Variants in ADGRG7 observed in about 807,000 individuals in gnomAD.
ADGRG7 encodes adhesion G protein-coupled receptor G7.
ADGRG7 carries 82 observed loss-of-function variants against 88.6 expected under a neutral mutation model. The ratio of observed to expected loss-of-function variants is 0.93; its 90% CI spans 0.77 to 1.11. The LOEUF (loss-of-function observed/expected upper bound fraction) is 1.11. Among genes scored for constraint, ADGRG7 ranks in the 50% most tolerant of loss-of-function variants. ADGRG7 has a pLI of 0.00. For synonymous variants in ADGRG7, 381 were observed against 345.2 expected (o/e 1.10, Z -1.15); for missense variants, 945 against 953.4 (o/e 0.99, Z 0.12).
intron 15 of ADGRG7, 116 bp from the exon 16 acceptor site, chr3:100,694,628 C>A: frequency 2.0e-6 from 2 of 992,330 alleles, no homozygotes; most frequent in Non-Finnish European, 2.9e-6. Flanking sequence ...CTGGCAAATT[C>A]AAGTTGGGGA....
chr3:100,614,704 G>GT (rs1415595925), intron 1 of ADGRG7, among the ~76,000 whole-genome samples: 2 of 152,154 alleles, frequency 1.3e-5, no homozygotes, highest in African/African-American at 4.8e-5. Flanking sequence ...AAGGAAATAT[G>GT]TTTTTATTTC....
intron 1 of ADGRG7, among the ~76,000 whole-genome samples, chr3:100,627,838 A>G (rs2149016038): frequency 6.6e-6 from 1 of 152,082 alleles, no homozygotes; most frequent in East Asian, 1.9e-4. Context: ...AAATTTGGGA[A>G]ATTTTGACAT....
At chr3:100,662,337 C>G (rs1170975342) in intron 14 of ADGRG7, among the ~76,000 whole-genome samples, 1 of 152,086 alleles carries the variant, frequency 6.6e-6, no homozygotes. Flanking sequence ...TTAGTAATGA[C>G]AGTAAAAAAA....
In ADGRG7 at chr3:100,694,747, T is replaced by C; in HGVS notation, c.2140T>C (p.Leu714=). The C allele has an allele frequency of 6.2e-7, 1 of 1,613,162 alleles. No homozygotes were observed. Among genetic ancestry groups the C allele is most frequent in the Middle Eastern group, 1.7e-4 (1 of 6,058 alleles). ...TAAACTTTTGTTCTATCTGCAGGGA[T>C]TGCAAATTTTTATCCTGTACACTGT... The part of the protein sequence containing the change: ...IFCLFNTTQG[L]QIFILYTVRT... Residue 714 remains leucine (L), a synonymous_variant, in exon 16 of 16, where the codon TTG becomes CTG. Transcript: ENST00000273352.
intron 4 of ADGRG7, among the ~76,000 whole-genome samples, chr3:100,633,645 C>T (rs1054129110): frequency 1.3e-5 from 2 of 152,124 alleles, no homozygotes; most frequent in Admixed American, 6.6e-5. Context: ...CTGCATCAGC[C>T]TCCTGAGTAA....
At chr3:100,620,309 A>G (rs1262328831) in intron 1 of ADGRG7, among the ~76,000 whole-genome samples, 1 of 152,254 alleles carries the variant, frequency 6.6e-6, no homozygotes, top group Non-Finnish European at 1.5e-5. Flanking sequence ...GACAAAAACT[A>G]TATGATTATC....
chr3:100,646,942 G>A (rs887059022), intron 10 of ADGRG7, among the ~76,000 whole-genome samples: 3 of 152,114 alleles, frequency 2.0e-5, no homozygotes, highest in African/African-American at 4.8e-5. Context: ...GGCAGATCAC[G>A]AGGTCAGGAG....
At chr3:100,650,285 T>G (rs367600944) in intron 11 of ADGRG7, among the ~76,000 whole-genome samples, 20 of 152,234 alleles carry the variant, frequency 1.3e-4, no homozygotes, top group African/African-American at 4.3e-4. Context: ...AATAATGACC[T>G]ATAAACAAAT....
At chr3:100,663,243 T>A (rs183717568) in intron 14 of ADGRG7, among the ~76,000 whole-genome samples, 1 of 152,236 alleles carries the variant, frequency 6.6e-6, no homozygotes, top group East Asian at 1.9e-4. Flanking sequence ...GGAACTTCAT[T>A]TAAAAATACA....
chr3:100,635,945 T>A, intron 5 of ADGRG7, 119 bp downstream of exon 5: 1 of 756,162 alleles, frequency 1.3e-6, no homozygotes, highest in Non-Finnish European at 2.1e-6. Context: ...GAGCATGGTT[T>A]AAGTTGCTTA....
At chr3:100,631,625 C>G (rs1707460317) in intron 3 of ADGRG7, among the ~76,000 whole-genome samples, 1 of 152,128 alleles carries the variant, frequency 6.6e-6, no homozygotes, top group Non-Finnish European at 1.5e-5. Flanking sequence ...ACAGCCAATT[C>G]TAGATCATTG....
chr3:100,653,073 A>G (rs1052551807), intron 11 of ADGRG7, among the ~76,000 whole-genome samples: 2 of 152,236 alleles, frequency 1.3e-5, no homozygotes, highest in Admixed American at 1.3e-4. Flanking sequence ...TCCTTGAAAC[A>G]TTAGTCCAAG....
intron 15 of ADGRG7, among the ~76,000 whole-genome samples, chr3:100,687,992 G>C (rs2094986001): frequency 6.6e-6 from 1 of 152,120 alleles, no homozygotes; most frequent in South Asian, 2.1e-4. Flanking sequence ...ATTCGGCTGT[G>C]AATCCATCTG....
chr3:100,665,006 T>C (rs1387771587), intron 14 of ADGRG7: 4 of 429,922 alleles, frequency 9.3e-6, no homozygotes, highest in African/African-American at 2.1e-5. Context: ...GGTTCCAGTA[T>C]GGTAGGGCAA....
intron 15 of ADGRG7, among the ~76,000 whole-genome samples, chr3:100,688,233 C>A (rs1014729396): frequency 1.1e-4 from 16 of 152,170 alleles, no homozygotes; most frequent in Admixed American, 2.0e-4. Context: ...GTCCCCTTTT[C>A]ATTTTTTATT....
chr3:100,666,996 G>A (rs13098584), intron 14 of ADGRG7, among the ~76,000 whole-genome samples: 49,335 of 151,860 alleles, frequency 0.32, 8,652 homozygotes, highest in South Asian at 0.47. Flanking sequence ...GAATCTCAAG[G>A]CAGAGGAATT....
At chr3:100,646,519 C>A in intron 9 of ADGRG7, 50 bp from the exon 10 acceptor site, 4 of 1,463,184 alleles carry the variant, frequency 2.7e-6, no homozygotes, top group South Asian at 2.5e-5. Flanking sequence ...TTTTTTTAAC[C>A]CAATTAAGTA....
chr3:100,658,291 G>T lies in ADGRG7; in HGVS notation c.1824-1397G>T, dbSNP rs180921119. ...CCTGGTCCAAACTATCCATATTATT[G>T]CAATAGACTCCTAGGTATTAGGTTG... On this transcript the variant is annotated intron_variant, in intron 13 of 15. Coordinates refer to ENST00000273352, the MANE Select transcript of ADGRG7 (RefSeq NM_032787.3). Among the ~76,000 whole-genome samples, 101 of 152,240 alleles carry T rather than the reference G, an allele frequency of 6.6e-4. 1 individual carries two copies. In the East Asian group the frequency reaches 0.019, roughly 28 times the overall value.
chr3:100,684,113 T>C (rs2094978184), intron 15 of ADGRG7, among the ~76,000 whole-genome samples: 1 of 152,088 alleles, frequency 6.6e-6, no homozygotes, highest in Non-Finnish European at 1.5e-5. Context: ...TTCTAGTTTG[T>C]TTTTATTTGA....
Sources: allele counts gnomAD v4.1 joint callset (sites outside exome capture counted in the v4.1 genomes callset), GRCh38; gene constraint gnomAD v4.1.1; transcripts MANE v1.5; gene names NCBI Gene and HGNC (gene_info 2026-07-23, HGNC 2026-07-21).